DLG2: variants seen among roughly 807,000 people sequenced by gnomAD.
The protein encoded by DLG2 is discs large MAGUK scaffold protein 2.
A neutral mutation model predicts 132.5 loss-of-function variants in DLG2; 45 were observed. The ratio of observed to expected loss-of-function variants is 0.34; its 90% CI spans 0.27 to 0.44. The LOEUF is 0.44. Ranked by LOEUF, DLG2 falls within the 20% of genes least tolerant of loss-of-function variation. The pLI, the probability that DLG2 is intolerant of heterozygous loss-of-function variation, is 1.00. For synonymous variants in DLG2, 424 were observed against 419.6 expected (o/e 1.01, Z -0.13); for missense variants, 1,045 against 1,196.9 (o/e 0.87, Z 1.87).
chr11:83,637,858 C>T (rs1323798382), intron 18 of DLG2, among the ~76,000 whole-genome samples: 2 of 152,252 alleles, frequency 1.3e-5, no homozygotes, highest in African/African-American at 4.8e-5. Flanking sequence ...TCTGTATAGA[C>T]AGGACTTTCA....
chr11:85,178,650 GA>G (rs1336551369), intron 4 of DLG2, among the ~76,000 whole-genome samples: 1 of 151,732 alleles, frequency 6.6e-6, no homozygotes, highest in African/African-American at 2.4e-5. Flanking sequence ...TGGAAAACAG[GA>G]AGAGAGGGAA....
intron 8 of DLG2, among the ~76,000 whole-genome samples, chr11:84,225,818 CT>C (rs113107369): frequency 0.032 from 4,742 of 148,788 alleles, 89 homozygotes; most frequent in South Asian, 0.075. Flanking sequence ...TTTTTTTCCC[CT>C]GGGATGGAGT....
chr11:84,973,443 C>T (rs1038797003), intron 6 of DLG2, among the ~76,000 whole-genome samples: 50 of 152,170 alleles, frequency 3.3e-4, no homozygotes, highest in Admixed American at 8.5e-4. Flanking sequence ...GCAGGTATTT[C>T]GTTGTCCAGA....
At chr11:84,446,403 G>C (rs1000081412) in intron 7 of DLG2, among the ~76,000 whole-genome samples, 1 of 151,840 alleles carries the variant, frequency 6.6e-6, no homozygotes, top group African/African-American at 2.4e-5. Flanking sequence ...TTTCTGCATC[G>C]TATTGTACAT....
At chr11:85,491,149 A>G (rs992126842) in intron 3 of DLG2, among the ~76,000 whole-genome samples, 2 of 152,132 alleles carry the variant, frequency 1.3e-5, no homozygotes, top group East Asian at 3.8e-4. Context: ...TACCTTATAT[A>G]AACAGAATAA....
intron 3 of DLG2, among the ~76,000 whole-genome samples, chr11:85,437,323 C>CA (rs762405405): frequency 9.4e-4 from 136 of 144,016 alleles, no homozygotes; most frequent in Middle Eastern, 3.6e-3. Context: ...AAAAAAAAAA[C>CA]AAAAAAAAAG....
At chr11:83,577,397 GATAT>G (rs1423681625) in intron 19 of DLG2, among the ~76,000 whole-genome samples, 1 of 144,200 alleles carries the variant, frequency 6.9e-6, no homozygotes, top group East Asian at 2.0e-4. Context: ...TCTAATAGGA[GATAT>G]ATATCTTATT....
At chr11:84,732,315 G>T (rs180988550) in intron 6 of DLG2, among the ~76,000 whole-genome samples, 91 of 152,028 alleles carry the variant, frequency 6.0e-4, no homozygotes, top group Non-Finnish European at 1.0e-3. Context: ...TGATGAATAT[G>T]TGTTTATATT....
At chr11:84,642,163 A>C (rs1051910606) in intron 6 of DLG2, among the ~76,000 whole-genome samples, 2 of 147,872 alleles carry the variant, frequency 1.4e-5, no homozygotes, top group Non-Finnish European at 3.0e-5. Context: ...AGACAGGTTG[A>C]TTTCTTTATA....
intron 6 of DLG2, among the ~76,000 whole-genome samples, chr11:84,945,682 C>A (rs1214835837): frequency 1.3e-5 from 2 of 152,144 alleles, no homozygotes; most frequent in Non-Finnish European, 2.9e-5. Flanking sequence ...GCCCAGGGCA[C>A]GTCCAGAAAT....
At chr11:85,081,041 GA>G (rs1362921131) in intron 6 of DLG2, among the ~76,000 whole-genome samples, 2 of 152,138 alleles carry the variant, frequency 1.3e-5, no homozygotes, top group African/African-American at 4.8e-5. Flanking sequence ...AAGTTTAGTT[GA>G]TTTTTTTATA....
chr11:84,051,339 G>A (rs957630301), intron 11 of DLG2, among the ~76,000 whole-genome samples: 14 of 151,794 alleles, frequency 9.2e-5, no homozygotes, highest in African/African-American at 3.4e-4. Context: ...GTTTATTGTG[G>A]CACTATTCAC....
chr11:84,944,882 C>A (rs2049998929), intron 6 of DLG2, among the ~76,000 whole-genome samples: 1 of 152,118 alleles, frequency 6.6e-6, no homozygotes, highest in African/African-American at 2.4e-5. Context: ...GGATTACCGG[C>A]GTGAGCCATC....
intron 11 of DLG2, among the ~76,000 whole-genome samples, chr11:84,002,549 T>C (rs924485359): frequency 6.6e-6 from 1 of 152,146 alleles, no homozygotes; most frequent in African/African-American, 2.4e-5. Flanking sequence ...CAACACCACA[T>C]GTAAGCTGCC....
intron 21 of DLG2, among the ~76,000 whole-genome samples, chr11:83,499,560 G>C (rs1209342794): frequency 6.6e-6 from 1 of 151,278 alleles, no homozygotes; most frequent in Non-Finnish European, 1.5e-5. Flanking sequence ...ATTAATAACT[G>C]GTCCCAAGAA....
chr11:84,765,211 T>G (rs2068234913), intron 6 of DLG2, among the ~76,000 whole-genome samples: 2 of 152,082 alleles, frequency 1.3e-5, no homozygotes, highest in African/African-American at 4.8e-5. Flanking sequence ...CTGTACTTTC[T>G]ACTTAAATGT....
chr11:84,454,056 T>C (rs753559057), intron 7 of DLG2, among the ~76,000 whole-genome samples: 3 of 151,606 alleles, frequency 2.0e-5, no homozygotes, highest in Non-Finnish European at 4.4e-5. Context: ...TATAAGGAGA[T>C]AGTTCTACCT....
chr11:85,493,748 AAGAG>A (rs1330670363), intron 3 of DLG2, among the ~76,000 whole-genome samples: 2 of 142,908 alleles, frequency 1.4e-5, no homozygotes, highest in African/African-American at 5.2e-5. Context: ...GGGGGAGAGA[AAGAG>A]AGACAGAGAA....
intron 18 of DLG2, among the ~76,000 whole-genome samples, chr11:83,777,366 G>A (rs943840568): frequency 6.6e-6 from 1 of 152,190 alleles, no homozygotes; most frequent in African/African-American, 2.4e-5. Context: ...GCACATTAAA[G>A]ATGTATACTT....
Sources: allele counts gnomAD v4.1 joint callset (sites outside exome capture counted in the v4.1 genomes callset), GRCh38; gene constraint gnomAD v4.1.1; transcripts MANE v1.5; gene names NCBI Gene and HGNC (gene_info 2026-07-23, HGNC 2026-07-21).